The following MYOZ2 variants were observed in gnomAD, a reference collection of about 807,000 sequenced individuals.
MYOZ2 encodes myozenin 2.
In MYOZ2, 19 loss-of-function variants were observed where a neutral mutation model predicts 25.4. The observed-to-expected ratio is 0.75, with a 90% confidence interval of 0.52 to 1.10. MYOZ2 has a LOEUF of 1.10. Ranked by LOEUF, MYOZ2 falls within the 50% of genes least tolerant of loss-of-function variation. The pLI is 0.00. For missense variants in MYOZ2, 270 were observed against 317.9 expected (o/e 0.85, Z 1.15); for synonymous variants, 92 against 106.9 (o/e 0.86, Z 0.86).
Position 119,186,038 on chromosome 4 carries a change from A to G in MYOZ2, c.633A>G (p.Leu211=). ...MVKFKVPDFE[L]LLLTDPRFMS... ...AATTTAAAGTTCCAGATTTTGAGCTACTATTGCTAACAGATCCCAGGTTTA... is the reference window on the plus strand; with the variant it reads ...AATTTAAAGTTCCAGATTTTGAGCTGCTATTGCTAACAGATCCCAGGTTTA... Residue 211 remains leucine (L), a synonymous_variant, in exon 6 of 6, where the codon CTA becomes CTG. Coordinates refer to ENST00000307128, the MANE Select transcript of MYOZ2 (RefSeq NM_016599.5). The G allele has an allele frequency of 6.2e-7, 1 of 1,614,066 alleles. No homozygotes were observed. The highest frequency in any genetic ancestry group is 8.5e-7 in the Non-Finnish European group (1 of 1,180,008).
chr4:119,168,673 AAC>A (rs1741881851), intron 5 of MYOZ2, among the ~76,000 whole-genome samples: 1 of 142,162 alleles, frequency 7.0e-6, no homozygotes, highest in African/African-American at 3.1e-5. Context: ...ATCTAAAAAA[AAC>A]AACAACAAAA....
In MYOZ2 at chr4:119,186,891, G is replaced by A. The variant is rs954996538; in HGVS notation, c.*691G>A. 7.2e-5 allele frequency: 11 copies of A among 152,176 alleles called. No individual in the cohort carries two copies. Among genetic ancestry groups the A allele is most frequent in the Non-Finnish European group, 1.3e-4 (9 of 68,044 alleles). 9.4% of individuals were successfully genotyped at this position (152,176 alleles called of 1,614,324 possible). ...ATAGTACCATAGTTTTAAGGACCAA[G>A]GTGTGCCCAGAATTCAAGTTTCACA... On this transcript the variant is annotated 3_prime_UTR_variant, in exon 6 of 6. Coordinates refer to ENST00000307128, the MANE Select transcript of MYOZ2 (RefSeq NM_016599.5).
chr4:119,164,590 T>A, intron 5 of MYOZ2, among the ~76,000 whole-genome samples, 196 bp downstream of exon 5: 1 of 152,188 alleles, frequency 6.6e-6, no homozygotes. Flanking sequence ...AACTTGGTCA[T>A]TTTTAGTATA....
chr4:119,147,602 G>A (rs1042454199), intron 2 of MYOZ2, among the ~76,000 whole-genome samples: 6 of 151,986 alleles, frequency 3.9e-5, no homozygotes, highest in African/African-American at 1.5e-4. Context: ...TTGGCTGGGT[G>A]TGGTGGTGGC....
chr4:119,162,285 C>A (rs1011500877), intron 4 of MYOZ2, among the ~76,000 whole-genome samples: 1 of 152,020 alleles, frequency 6.6e-6, no homozygotes, highest in Non-Finnish European at 1.5e-5. Flanking sequence ...AGAAAGCAGG[C>A]GGTGAGGCTG....
chr4:119,165,068 C>G (rs1741791869), intron 5 of MYOZ2, among the ~76,000 whole-genome samples: 1 of 149,060 alleles, frequency 6.7e-6, no homozygotes, highest in Non-Finnish European at 1.5e-5. Context: ...ATTAAAATAT[C>G]TAATATCTAG....
At chr4:119,182,794 T>C (rs537647294) in intron 5 of MYOZ2, among the ~76,000 whole-genome samples, 2 of 152,262 alleles carry the variant, frequency 1.3e-5, no homozygotes, top group East Asian at 3.9e-4. Context: ...AGGCCATAGA[T>C]GGTTGGTCTG....
intron 2 of MYOZ2, among the ~76,000 whole-genome samples, 196 bp from the exon 3 acceptor site, chr4:119,150,676 C>T (rs1741426530): frequency 6.6e-6 from 1 of 152,018 alleles, no homozygotes. Context: ...ATTTCATTCT[C>T]ATATTAATGC....
chr4:119,169,543 C>T (rs28740785), intron 5 of MYOZ2, among the ~76,000 whole-genome samples: 10 of 152,182 alleles, frequency 6.6e-5, no homozygotes, highest in African/African-American at 2.4e-4. Context: ...GAAGTGAGTA[C>T]TTGAGGCCAG....
At chr4:119,177,010 G>A (rs1265090930) in intron 5 of MYOZ2, among the ~76,000 whole-genome samples, 6 of 152,160 alleles carry the variant, frequency 3.9e-5, no homozygotes, top group African/African-American at 1.4e-4. Flanking sequence ...GCAGTGAGCC[G>A]AGATTGTGCC....
Position 119,187,777 on chromosome 4 carries a change from TATTA to T in MYOZ2, c.*1582_*1585del, listed in dbSNP as rs1479554519. On this transcript the variant is annotated 3_prime_UTR_variant, in exon 6 of 6. Transcript: ENST00000307128. ...ATCTTTAAAAAATAAAAATTAGGCATATTAATTATGCATTTTGATGAAATGGTTT... is the reference window on the plus strand; with the variant it reads ...ATCTTTAAAAAATAAAAATTAGGCATATTATGCATTTTGATGAAATGGTTT... 1.3e-5 allele frequency: 2 copies of T among 152,204 alleles called. No individual in the cohort carries two copies. The highest frequency in any genetic ancestry group is 2.9e-5 in the Non-Finnish European group (2 of 68,034). 9.4% of individuals were successfully genotyped at this position (152,204 alleles called of 1,614,324 possible). A position where few individuals can be genotyped will look rare whatever the true frequency, so the allele number is the denominator to read the frequency against.
intron 3 of MYOZ2, among the ~76,000 whole-genome samples, chr4:119,153,749 C>T (rs1741508987): frequency 6.6e-6 from 1 of 152,046 alleles, no homozygotes; most frequent in African/African-American, 2.4e-5. Context: ...ATAAGTGTAG[C>T]TTTGAATTCT....
intron 4 of MYOZ2, among the ~76,000 whole-genome samples, chr4:119,162,862 T>G (rs921205181): frequency 2.0e-5 from 3 of 152,120 alleles, no homozygotes; most frequent in Non-Finnish European, 4.4e-5. Context: ...ATGACCAAAA[T>G]AGAAAAAGAA....
intron 3 of MYOZ2, among the ~76,000 whole-genome samples, chr4:119,154,378 A>C (rs76821880): frequency 0.05 from 7,573 of 152,228 alleles, 278 homozygotes; most frequent in African/African-American, 0.1. Flanking sequence ...AAGGAATTGC[A>C]GATGATGGAA....
intron 5 of MYOZ2, among the ~76,000 whole-genome samples, chr4:119,180,374 A>T (rs984356500): frequency 1.3e-5 from 2 of 152,114 alleles, no homozygotes; most frequent in African/African-American, 4.8e-5. Context: ...CCTGATTCCC[A>T]CCTATGCATG....
chr4:119,175,088 C>T (rs866894282), intron 5 of MYOZ2, among the ~76,000 whole-genome samples: 10 of 151,990 alleles, frequency 6.6e-5, no homozygotes, highest in Middle Eastern at 3.4e-3. Flanking sequence ...TAACACTCAC[C>T]GAGAGGGTCC....
chr4:119,175,876 CTAA>C (rs933444433), intron 5 of MYOZ2, among the ~76,000 whole-genome samples: 30 of 152,174 alleles, frequency 2.0e-4, no homozygotes, highest in African/African-American at 7.0e-4. Context: ...CTTCAAATTC[CTAA>C]TAATTTCTGA....
chr4:119,146,152 T>A (rs754080923), intron 2 of MYOZ2, among the ~76,000 whole-genome samples: 14 of 152,296 alleles, frequency 9.2e-5, no homozygotes, highest in Non-Finnish European at 1.8e-4. Flanking sequence ...TTTATCAATT[T>A]TACTGATCTT....
At chr4:119,145,740 A>G (rs1049988234) in intron 2 of MYOZ2, among the ~76,000 whole-genome samples, 6 of 152,142 alleles carry the variant, frequency 3.9e-5, no homozygotes, top group Non-Finnish European at 8.8e-5. Flanking sequence ...GAAATGAACT[A>G]GGAAGAACTC....
Sources: gnomAD v4.1 joint callset for allele counts (sites outside exome capture counted in the v4.1 genomes callset) on GRCh38, gnomAD v4.1.1 for gene constraint, MANE v1.5 for transcripts, NCBI Gene and HGNC (gene_info 2026-07-23, HGNC 2026-07-21) for gene names.